RCOR1: variants seen among roughly 807,000 people sequenced by gnomAD.
The protein encoded by RCOR1 is REST corepressor 1.
RCOR1 carries 12 observed loss-of-function variants against 64.0 expected under a neutral mutation model. The ratio of observed to expected loss-of-function variants is 0.19; its 90% CI spans 0.12 to 0.30. The LOEUF is 0.30. Ranked by LOEUF, RCOR1 falls within the 10% of genes least tolerant of loss-of-function variation. The probability of loss-of-function intolerance (pLI) is 1.00; values close to 1 mark genes in which losing one functional copy is unlikely to be tolerated. For missense variants in RCOR1, 502 were observed against 621.2 expected (o/e 0.81, Z 2.04); for synonymous variants, 279 against 227.2 (o/e 1.23, Z -2.05).
intron 3 of RCOR1, among the ~76,000 whole-genome samples, chr14:102,688,430 G>C (rs1254641283): frequency 6.6e-6 from 1 of 152,194 alleles, no homozygotes; most frequent in East Asian, 1.9e-4. Flanking sequence ...CGGAGTTTTA[G>C]CTAGAACTGA....
At chr14:102,632,327 C>T (rs1028656385) in intron 2 of RCOR1, among the ~76,000 whole-genome samples, 13 of 151,186 alleles carry the variant, frequency 8.6e-5, no homozygotes, top group African/African-American at 3.2e-4. Context: ...CGCCATTCTC[C>T]TGCCTCAGCC....
intron 2 of RCOR1, 125 bp downstream of exon 2, chr14:102,593,450 G>T (rs1174199182): frequency 9.7e-7 from 1 of 1,026,948 alleles, no homozygotes; most frequent in Non-Finnish European, 1.3e-6. Context: ...CGTCCGTGGG[G>T]AGAACAGCAG....
At chr14:102,632,827 T>C (rs953770829) in intron 2 of RCOR1, among the ~76,000 whole-genome samples, 4 of 138,654 alleles carry the variant, frequency 2.9e-5, no homozygotes, top group African/African-American at 1.1e-4. Flanking sequence ...CTTTTCTTTT[T>C]TTTGAGACAG....
rs2139937388 is a variant in RCOR1 at position 102,658,369 on chromosome 14, T to C, written c.362-23526T>C. ...TGGCTCATGCCTGTAATCCCAGCACTTTGGGAGGCAGATCACCTGAGGCAT... is the reference window on the plus strand; with the variant it reads ...TGGCTCATGCCTGTAATCCCAGCACCTTGGGAGGCAGATCACCTGAGGCAT... On this transcript the variant is annotated intron_variant, in intron 2 of 11. Coordinates refer to ENST00000262241, the MANE Select transcript of RCOR1 (RefSeq NM_015156.4). 5 of 274,416 alleles carry C rather than the reference T, an allele frequency of 1.8e-5. No individual in the cohort carries two copies. In the Middle Eastern group the frequency reaches 8.7e-3, roughly 478 times the overall value. 17.0% of individuals were successfully genotyped at this position (274,416 alleles called of 1,614,324 possible). A position where few individuals can be genotyped will look rare whatever the true frequency, so the allele number is the denominator to read the frequency against.
intron 2 of RCOR1, among the ~76,000 whole-genome samples, chr14:102,612,712 T>C (rs1893656200): frequency 6.6e-6 from 1 of 151,732 alleles, no homozygotes; most frequent in African/African-American, 2.4e-5. Context: ...CTGGTTACCC[T>C]GTGCAGTGGC....
chr14:102,657,178 T>C, intron 2 of RCOR1: 2 of 985,356 alleles, frequency 2.0e-6, no homozygotes, highest in Non-Finnish European at 2.4e-6. Flanking sequence ...AAAAATATTT[T>C]TGAGGATATC....
intron 2 of RCOR1, among the ~76,000 whole-genome samples, chr14:102,631,946 T>A (rs575126582): frequency 6.6e-6 from 1 of 151,880 alleles, no homozygotes; most frequent in African/African-American, 2.4e-5. Flanking sequence ...GACTACAGAC[T>A]ACAAGCGTGA....
intron 8 of RCOR1, 82 bp from the exon 9 acceptor site, chr14:102,720,925 G>C: frequency 1.4e-6 from 1 of 721,112 alleles, no homozygotes. Flanking sequence ...TTGGGTTTTT[G>C]TTTCTTTAGG....
At position 102,650,858 on chromosome 14, in the gene RCOR1, C is replaced by A. The variant is rs185922199; in HGVS notation, c.362-31037C>A. On this transcript the variant is annotated intron_variant, in intron 2 of 11. Coordinates refer to ENST00000262241, the MANE Select transcript of RCOR1 (RefSeq NM_015156.4). ...AGGAACTGACTTGAGATATTTTAAA[C>A]TTACGGGACTTGATTTAGAGCACTT... is the stretch of plus-strand genomic sequence containing the variant. The A allele has an allele frequency of 1.2e-4, 39 of 317,898 alleles. 1 individual carries two copies. The Admixed American group carries it at 1.4e-3, about 12-fold the overall frequency. The allele number at this position is 317,898 out of a possible 1,614,324, so 19.7% of individuals were successfully genotyped here.
At chr14:102,671,518 C>CTGAAG (rs1270373783) in intron 2 of RCOR1, among the ~76,000 whole-genome samples, 1 of 152,168 alleles carries the variant, frequency 6.6e-6, no homozygotes, top group Admixed American at 6.5e-5. Context: ...GCCTCACCCT[C>CTGAAG]TGAAGTAGCT....
At chr14:102,635,903 T>A (rs1413023476) in intron 2 of RCOR1, among the ~76,000 whole-genome samples, 1 of 152,166 alleles carries the variant, frequency 6.6e-6, no homozygotes, top group Non-Finnish European at 1.5e-5. Context: ...GCCATTGCAC[T>A]CCAGCCTTGG....
chr14:102,614,541 A>G (rs1262999951), intron 2 of RCOR1, among the ~76,000 whole-genome samples: 4 of 152,118 alleles, frequency 2.6e-5, no homozygotes, highest in African/African-American at 9.7e-5. Context: ...CTCTTTTTAA[A>G]TGTCAGATAT....
intron 2 of RCOR1, among the ~76,000 whole-genome samples, chr14:102,606,483 CG>C (rs1187955573): frequency 6.6e-6 from 1 of 152,054 alleles, no homozygotes; most frequent in Non-Finnish European, 1.5e-5. Flanking sequence ...GGGAGTTCAG[CG>C]GGGAGGAAGA....
intron 7 of RCOR1, 124 bp downstream of exon 7, chr14:102,711,137 CTA>C (rs1179993031): frequency 2.0e-5 from 13 of 636,526 alleles, no homozygotes; most frequent in South Asian, 2.2e-5. Context: ...CATGATATGA[CTA>C]TTTTTCAACA....
rs1896333106 is a variant in RCOR1, at chr14:102,729,714, T to C, written c.*3208T>C. ...TCATTGTCACTTTAAATTTCAACGATACCCTATTTTTGTCATTCTAAATAT... is the reference window on the plus strand; with the variant it reads ...TCATTGTCACTTTAAATTTCAACGACACCCTATTTTTGTCATTCTAAATAT... On this transcript the variant is annotated 3_prime_UTR_variant, in exon 12 of 12. Transcript: ENST00000262241. 2.5e-6 allele frequency: 1 copy of C among 397,750 alleles called. No homozygotes were observed. Among genetic ancestry groups the C allele is most frequent in the African/African-American group, 2.1e-5 (1 of 48,732 alleles). 24.6% of individuals were successfully genotyped at this position (397,750 alleles called of 1,614,324 possible). A position where few individuals can be genotyped will look rare whatever the true frequency, so the allele number is the denominator to read the frequency against.
intron 2 of RCOR1, among the ~76,000 whole-genome samples, chr14:102,595,391 A>T (rs1893220463): frequency 6.6e-6 from 1 of 151,948 alleles, no homozygotes; most frequent in Admixed American, 6.6e-5. Context: ...AGTTTCAGCT[A>T]CGGGGGGGTC....
chr14:102,660,048 T>G (rs549258020), intron 2 of RCOR1, among the ~76,000 whole-genome samples: 1 of 152,328 alleles, frequency 6.6e-6, no homozygotes, highest in South Asian at 2.1e-4. Flanking sequence ...CTCATTTAAT[T>G]CTGTCACTAT....
chr14:102,610,505 T>C (rs1161269202), intron 2 of RCOR1, among the ~76,000 whole-genome samples: 1 of 152,136 alleles, frequency 6.6e-6, no homozygotes, highest in Non-Finnish European at 1.5e-5. Context: ...TTCAGTTGGG[T>C]GGCAATGATC....
At chr14:102,696,224 A>AT (rs1310859877) in intron 3 of RCOR1, among the ~76,000 whole-genome samples, 2 of 151,970 alleles carry the variant, frequency 1.3e-5, no homozygotes, top group African/African-American at 2.4e-5. Flanking sequence ...ATTTTTGCTT[A>AT]TTTCGGCTTG....
Sources: allele counts gnomAD v4.1 joint callset (sites outside exome capture counted in the v4.1 genomes callset), GRCh38; gene constraint gnomAD v4.1.1; transcripts MANE v1.5; gene names NCBI Gene and HGNC (gene_info 2026-07-23, HGNC 2026-07-21).